The following ENDOD1 variants were observed in gnomAD, a reference collection of about 807,000 sequenced individuals.
ENDOD1 encodes endonuclease domain containing 1.
A neutral mutation model predicts 6.5 loss-of-function variants in ENDOD1; 9 were observed. The observed-to-expected ratio is 1.39, with a 90% CI of 0.84 to 2.43. ENDOD1 has a LOEUF of 2.43. Ranked by LOEUF, ENDOD1 falls within the 30% of genes most tolerant of loss-of-function variation. The probability of loss-of-function intolerance (pLI) is 0.00; values close to 1 mark genes in which losing one functional copy is unlikely to be tolerated. For synonymous variants in ENDOD1, 255 were observed against 255.2 expected (o/e 1.00, Z 0.01); for missense variants, 648 against 635.5 (o/e 1.02, Z -0.21).
In ENDOD1 at chr11:95,090,063, G is replaced by A. The variant is rs1555109654; in HGVS notation, c.136G>A (p.Gly46Arg). 1.9e-6 allele frequency: 3 copies of A among 1,603,146 alleles called. No homozygotes were observed. Among genetic ancestry groups the A allele is most frequent in the Non-Finnish European group, 2.6e-6 (3 of 1,176,034 alleles). The change falls in exon 1 of 2, where the codon GGG becomes AGG. Residue 46 changes from glycine to arginine, a missense_variant. Gly to Arg is a moderately radical substitution (Grantham distance 125, BLOSUM62 -2). Coordinates refer to ENST00000278505, the MANE Select transcript of ENDOD1 (RefSeq NM_015036.3). ...KFFYAGTPPA[G>R]LAADSHVKIC... ...CTTCTACGCCGGGACCCCGCCTGCGGGGCTGGCGGCCGATTCCCACGTGAA... is the reference window on the plus strand; with the variant it reads ...CTTCTACGCCGGGACCCCGCCTGCGAGGCTGGCGGCCGATTCCCACGTGAA...
chr11:95,109,149 A>G (rs1034501696), intron 1 of ENDOD1, among the ~76,000 whole-genome samples: 1 of 152,194 alleles, frequency 6.6e-6, no homozygotes, highest in Non-Finnish European at 1.5e-5. Flanking sequence ...CTTTGTCCCC[A>G]CGGAGTTGGA....
At chr11:95,122,028 C>A (rs1014868243) in intron 1 of ENDOD1, among the ~76,000 whole-genome samples, 5 of 152,084 alleles carry the variant, frequency 3.3e-5, no homozygotes, top group Non-Finnish European at 4.4e-5. Context: ...TCTGAAATAA[C>A]CTTTTACATC....
At chr11:95,099,291 G>A (rs940937037) in intron 1 of ENDOD1, among the ~76,000 whole-genome samples, 17 of 152,194 alleles carry the variant, frequency 1.1e-4, no homozygotes, top group East Asian at 7.7e-4. Context: ...AGTGAGTAGC[G>A]GAGATAAGAG....
At chr11:95,104,497 A>G (rs1859071615) in intron 1 of ENDOD1, among the ~76,000 whole-genome samples, 1 of 151,136 alleles carries the variant, frequency 6.6e-6, no homozygotes. Context: ...CATCATCTTC[A>G]TTTGTTCCCC....
chr11:95,098,466 A>AT (rs1432222201), intron 1 of ENDOD1, among the ~76,000 whole-genome samples: 1 of 152,220 alleles, frequency 6.6e-6, no homozygotes, highest in Non-Finnish European at 1.5e-5. Flanking sequence ...AACCCAGCAC[A>AT]TTAATTATGT....
intron 1 of ENDOD1, among the ~76,000 whole-genome samples, chr11:95,101,856 A>G (rs2134164010): frequency 6.6e-6 from 1 of 152,346 alleles, no homozygotes; most frequent in African/African-American, 2.4e-5. Flanking sequence ...TTTATTAAGC[A>G]TTTTAACTTA....
chr11:95,110,412 T>C (rs781824681), intron 1 of ENDOD1, among the ~76,000 whole-genome samples: 8 of 151,926 alleles, frequency 5.3e-5, no homozygotes, highest in Non-Finnish European at 1.0e-4. Context: ...ATATACAGAG[T>C]CTCTATTATG....
chr11:95,124,628 G>A (rs571962832), intron 1 of ENDOD1, among the ~76,000 whole-genome samples: 1 of 152,236 alleles, frequency 6.6e-6, no homozygotes, highest in East Asian at 1.9e-4. Flanking sequence ...ACAGGACCCA[G>A]TGTAGAATTG....
intron 1 of ENDOD1, among the ~76,000 whole-genome samples, chr11:95,128,105 G>A (rs141281571): frequency 6.6e-6 from 1 of 152,236 alleles, no homozygotes; most frequent in Non-Finnish European, 1.5e-5. Context: ...TGGTGGGTGT[G>A]AGTGTGAGTG....
chr11:95,120,958 C>G (rs1591019077), intron 1 of ENDOD1, among the ~76,000 whole-genome samples: 1 of 152,188 alleles, frequency 6.6e-6, no homozygotes, highest in East Asian at 1.9e-4. Flanking sequence ...AAGGGCAGCA[C>G]TGAGTTCAAT....
At chr11:95,109,083 A>G (rs532227283) in intron 1 of ENDOD1, among the ~76,000 whole-genome samples, 1 of 152,332 alleles carries the variant, frequency 6.6e-6, no homozygotes, top group East Asian at 1.9e-4. Flanking sequence ...TGTTCAGCTC[A>G]TTCTATTATT....
chr11:95,105,616 T>C (rs193220086), intron 1 of ENDOD1, among the ~76,000 whole-genome samples: 31 of 152,254 alleles, frequency 2.0e-4, no homozygotes, highest in African/African-American at 7.0e-4. Flanking sequence ...TTCCCCTCCC[T>C]GTGTCCATGT....
At chr11:95,102,404 G>A (rs1320864221) in intron 1 of ENDOD1, among the ~76,000 whole-genome samples, 1 of 151,494 alleles carries the variant, frequency 6.6e-6, no homozygotes, top group Non-Finnish European at 1.5e-5. Flanking sequence ...AGGCATGGTG[G>A]CTCATGCCTG....
At chr11:95,113,831 G>C (rs565246487) in intron 1 of ENDOD1, among the ~76,000 whole-genome samples, 1 of 152,186 alleles carries the variant, frequency 6.6e-6, no homozygotes, top group South Asian at 2.1e-4. Flanking sequence ...TTAGTTTTTA[G>C]TTATGGAGAA....
intron 1 of ENDOD1, 38 bp downstream of exon 1, chr11:95,090,265 G>GGA: frequency 2.9e-6 from 4 of 1,357,456 alleles, no homozygotes; most frequent in Non-Finnish European, 3.8e-6. Context: ...TGCGGGCGCC[G>GGA]GAGACCGTGC....
chr11:95,096,474 G>T (rs1858987087), intron 1 of ENDOD1, among the ~76,000 whole-genome samples: 1 of 152,038 alleles, frequency 6.6e-6, no homozygotes, highest in Admixed American at 6.6e-5. Flanking sequence ...ACCTAGTGCT[G>T]AACAGAAGTG....
intron 1 of ENDOD1, among the ~76,000 whole-genome samples, chr11:95,093,216 C>G (rs1179686328): frequency 6.6e-6 from 1 of 152,258 alleles, no homozygotes; most frequent in Non-Finnish European, 1.5e-5. Flanking sequence ...GCTCCTGTCT[C>G]CAGCTCCAAT....
intron 1 of ENDOD1, among the ~76,000 whole-genome samples, chr11:95,123,613 A>G (rs1859284198): frequency 6.7e-6 from 1 of 150,162 alleles, no homozygotes; most frequent in Admixed American, 6.6e-5. Flanking sequence ...AAATTTAAGC[A>G]AAGCAGATAC....
chr11:95,119,834 C>T (rs554660309), intron 1 of ENDOD1, among the ~76,000 whole-genome samples: 25 of 152,360 alleles, frequency 1.6e-4, no homozygotes, highest in Middle Eastern at 3.4e-3. Flanking sequence ...TAGAAGTCTA[C>T]CTGGTGTTCT....
Sources: allele counts gnomAD v4.1 joint callset (sites outside exome capture counted in the v4.1 genomes callset), GRCh38; gene constraint gnomAD v4.1.1; transcripts MANE v1.5; gene names NCBI Gene and HGNC (gene_info 2026-07-23, HGNC 2026-07-21).